The following FADS6 variants were observed in gnomAD, a reference collection of about 807,000 sequenced individuals.
FADS6 encodes the protein fatty acid desaturase domain family, member 6.
FADS6 carries 28 observed loss-of-function variants against 31.7 expected under a neutral mutation model. The observed-to-expected ratio is 0.88, with a 90% confidence interval of 0.66 to 1.21. FADS6 has a LOEUF of 1.21. Among genes scored for constraint, FADS6 ranks in the 50% most tolerant of loss-of-function variants. The probability of loss-of-function intolerance (pLI) is 0.00; values close to 1 mark genes in which losing one functional copy is unlikely to be tolerated. For synonymous variants in FADS6, 191 were observed against 213.1 expected (o/e 0.90, Z 0.90); for missense variants, 494 against 504.2 (o/e 0.98, Z 0.19).
At position 74,882,526 on chromosome 17, in the gene FADS6, T is replaced by C; in HGVS notation, c.592+4A>G. On this transcript the variant is annotated splice_donor_region_variant and intron_variant, in intron 3 of 5. Transcript: ENST00000612771. ...ACTGCGGACCGGGCTCTCATGGCACTCACCGACAGCCACCAGTGGAGTGGC... is the reference window on the plus strand; with the variant it reads ...ACTGCGGACCGGGCTCTCATGGCACCCACCGACAGCCACCAGTGGAGTGGC... The C allele has an allele frequency of 6.2e-7, 1 of 1,606,460 alleles. No individual in the cohort carries two copies. The highest frequency in any genetic ancestry group is 8.5e-7 in the Non-Finnish European group (1 of 1,176,010).
Position 74,893,442 on chromosome 17 carries a change from C to G in FADS6, c.154G>C (p.Val52Leu). ...EALLRELEVL[V>L]QDVVRTSSWW... Reference sequence around the variant, plus strand: ...GAGCTCGTCCTCACCACGTCCTGCACCAGCACCTCCAGCTCCCGCAGCAGC... The same window carrying G: ...GAGCTCGTCCTCACCACGTCCTGCAGCAGCACCTCCAGCTCCCGCAGCAGC... The change falls in exon 1 of 6, where the codon GTG becomes CTG. Residue 52 changes from valine to leucine, a missense_variant. This residue lies in a region of FADS6 where 454 missense variants were observed against 438.5 expected (regional missense o/e 1.04). Coordinates refer to ENST00000612771, the MANE Select transcript of FADS6 (RefSeq NM_178128.6). 2 of 1,586,648 alleles carry G rather than the reference C, an allele frequency of 1.3e-6. No individual in the cohort carries two copies. Among genetic ancestry groups the G allele is most frequent in the Non-Finnish European group, 1.7e-6 (2 of 1,168,342 alleles).
chr17:74,884,198 T>C (rs1269974163), intron 2 of FADS6, among the ~76,000 whole-genome samples: 1 of 152,190 alleles, frequency 6.6e-6, no homozygotes, highest in East Asian at 1.9e-4. Context: ...AGGGTCCCTC[T>C]CTCATCCCAA....
intron 2 of FADS6, 108 bp downstream of exon 2, chr17:74,892,415 G>T: frequency 1.5e-6 from 2 of 1,355,562 alleles, no homozygotes; most frequent in Non-Finnish European, 2.0e-6. Context: ...GCAGCGGCCT[G>T]CCCCCGTGGG....
chr17:74,877,389 A>C lies in FADS6; in HGVS notation c.*942T>G, dbSNP rs893294535. On this transcript the variant is annotated 3_prime_UTR_variant, in exon 6 of 6. Transcript: ENST00000612771. The stretch of plus-strand genomic sequence containing the variant: ...CGCTCTGTCACCCAGGCTGGAATGC[A>C]ATGGTGCAATCTTGGCTCACTGCAA... 1 of 151,292 alleles carries C rather than the reference A, an allele frequency of 6.6e-6. No homozygotes were observed. Among genetic ancestry groups the C allele is most frequent in the Admixed American group, 6.6e-5 (1 of 15,118 alleles). The allele number at this position is 151,292 out of a possible 1,614,324, so 9.4% of individuals were successfully genotyped here. A position where few individuals can be genotyped will look rare whatever the true frequency, so the allele number is the denominator to read the frequency against.
intron 2 of FADS6, 108 bp from the exon 3 acceptor site, chr17:74,882,818 G>T (rs1323700222): frequency 2.0e-6 from 3 of 1,532,938 alleles, no homozygotes; most frequent in African/African-American, 2.7e-5. Context: ...AACCCTGCAT[G>T]TCCAGGGCCG....
intron 2 of FADS6, among the ~76,000 whole-genome samples, chr17:74,890,288 C>T (rs1196159169): frequency 1.3e-5 from 2 of 152,156 alleles, no homozygotes; most frequent in African/African-American, 2.4e-5. Flanking sequence ...AAGACCAGCA[C>T]CCTCCTCCAG....
chr17:74,879,294 C>T (rs886234927), intron 5 of FADS6, 110 bp downstream of exon 5: 2 of 1,368,704 alleles, frequency 1.5e-6, no homozygotes, highest in Non-Finnish European at 2.0e-6. Context: ...ACCTCAGCCT[C>T]CGCAAGTGCC....
At position 74,893,423 on chromosome 17, in the gene FADS6, G is replaced by C; in HGVS notation, c.173C>G (p.Thr58Arg). The C allele has an allele frequency of 6.4e-7, 1 of 1,569,346 alleles. No homozygotes were observed. Among genetic ancestry groups the C allele is most frequent in the South Asian group, 1.2e-5 (1 of 85,432 alleles). The change falls in exon 1 of 6, where the codon ACG (threonine) becomes AGG (arginine). Residue 58 changes from threonine (T) to arginine (R), a missense_variant. By Grantham distance (71) the Thr-to-Arg change is moderately conservative. Coordinates refer to ENST00000612771, the MANE Select transcript of FADS6 (RefSeq NM_178128.6). ...LEVLVQDVVR[T>R]SSWWERHGVD... is the part of the protein sequence containing the mutation. ...GCCGTGGCGCTCCCACCAGGAGCTCGTCCTCACCACGTCCTGCACCAGCAC... is the reference window on the plus strand; with the variant it reads ...GCCGTGGCGCTCCCACCAGGAGCTCCTCCTCACCACGTCCTGCACCAGCAC...
chr17:74,878,833 A>G (rs1300705093), intron 5 of FADS6, among the ~76,000 whole-genome samples: 1 of 152,148 alleles, frequency 6.6e-6, no homozygotes, highest in Non-Finnish European at 1.5e-5. Flanking sequence ...TTCTACTCCC[A>G]TTTTACAGAA....
At chr17:74,892,389 C>T (rs1338185186) in intron 2 of FADS6, 134 bp downstream of exon 2, 20 of 1,089,226 alleles carry the variant, frequency 1.8e-5, no homozygotes, top group Non-Finnish European at 1.9e-5. Context: ...ACCAGTGGAC[C>T]GGCATACCAT....
At chr17:74,878,938 T>C (rs1405638059) in intron 5 of FADS6, 2 of 201,422 alleles carry the variant, frequency 9.9e-6, no homozygotes, top group South Asian at 9.2e-5. Flanking sequence ...CATGCTGCTG[T>C]GGATACACTG....
At chr17:74,890,257 C>T (rs1290014377) in intron 2 of FADS6, among the ~76,000 whole-genome samples, 1 of 152,174 alleles carries the variant, frequency 6.6e-6, no homozygotes, top group East Asian at 1.9e-4. Flanking sequence ...ACTGTCCTCG[C>T]CGCCACCCTG....
rs146007484 is a variant in FADS6 at position 74,887,282 on chromosome 17, G to A, written c.412-4572C>T. ...TTTTGTTTTGTAGAGACAGGCTCTC[G>A]CTGTGTTGCCCAGGCTGGTCTCAAA... On this transcript the variant is annotated intron_variant, in intron 2 of 5. Coordinates refer to ENST00000612771, the MANE Select transcript of FADS6 (RefSeq NM_178128.6). Among the ~76,000 whole-genome samples the A allele has an allele frequency of 2.0e-5, 3 of 152,096 alleles. No individual in the cohort carries two copies. The East Asian group carries it at 5.8e-4, about 29-fold the overall frequency.
Position 74,878,007 on chromosome 17 carries a change from C to T in FADS6, c.*324G>A. ...AGGATCCCTCTTCACCCTGTCACCT[C>T]CCTTTAACCCTACCAAGGCTCAGAT... On this transcript the variant is annotated 3_prime_UTR_variant, in exon 6 of 6. Coordinates refer to ENST00000612771, the MANE Select transcript of FADS6 (RefSeq NM_178128.6). 2 of 1,098,232 alleles carry T rather than the reference C, an allele frequency of 1.8e-6. No individual in the cohort carries two copies. The highest frequency in any genetic ancestry group is 4.0e-4 in the Middle Eastern group (1 of 2,496). 68.0% of individuals were successfully genotyped at this position (1,098,232 alleles called of 1,614,324 possible).
At position 74,881,206 on chromosome 17, in the gene FADS6, C is replaced by A; in HGVS notation, c.642G>T (p.Leu214=). ...AGTGAGAATAAAGGCCCAGAGAAAT[C>A]AGGGCCAGCGTCCGCAGGGCTGTCC... ...ELGTALRTLA[L]ISLGLYSHYW... The change falls in exon 4 of 6, where the codon CTG becomes CTT. Residue 214 remains leucine (L), a synonymous_variant. Transcript: ENST00000612771. 1 of 1,610,492 alleles carries A rather than the reference C, an allele frequency of 6.2e-7. No homozygotes were observed. Among genetic ancestry groups the A allele is most frequent in the Non-Finnish European group, 8.5e-7 (1 of 1,178,404 alleles).
chr17:74,878,628 A>G (rs2038533411), intron 5 of FADS6, among the ~76,000 whole-genome samples, 151 bp from the exon 6 acceptor site: 1 of 152,218 alleles, frequency 6.6e-6, no homozygotes, highest in African/African-American at 2.4e-5. Context: ...GGCTTAAGTC[A>G]GAGAATTCTT....
rs574592459 is a variant in FADS6 at position 74,892,651 on chromosome 17, C to G, written c.283G>C (p.Ala95Pro). The change falls in exon 2 of 6, where the codon GCA becomes CCA. Residue 95 changes from alanine (A) to proline (P), a missense_variant. Ala to Pro is a conservative substitution (Grantham distance 27, BLOSUM62 -1). Around this residue, in one of 2 missense-constraint regions of FADS6, gnomAD observed 454 missense variants for 438.5 expected, o/e 1.04. Transcript: ENST00000612771. ...ACACCCAAGATGGTGATGCCGGATG[C>G]AAAGACCAGGGCATTCTCCCAGCGC... Reference protein sequence around the residue: ...CLRWENALVFASGITILGVCH... With the variant: ...CLRWENALVFPSGITILGVCH... 12 of 1,613,230 alleles carry G rather than the reference C, an allele frequency of 7.4e-6. No homozygotes were observed. Among genetic ancestry groups the G allele is most frequent in the Admixed American group, 5.0e-5 (3 of 59,948 alleles).
rs1383277336 is a variant in FADS6, at chr17:74,887,493, C to CT, written c.412-4784dup. On this transcript the variant is annotated intron_variant, in intron 2 of 5. Coordinates refer to ENST00000612771, the MANE Select transcript of FADS6 (RefSeq NM_178128.6). Reference sequence around the variant, plus strand: ...CCCTGGTCAATGCCCTCATCACATTCTGCCTGCCCCAGTCACCTACCAGCT... The same window carrying CT: ...CCCTGGTCAATGCCCTCATCACATTCTTGCCTGCCCCAGTCACCTACCAGCT... 3.3e-5 allele frequency among the ~76,000 whole-genome samples: 5 copies of CT among 152,194 alleles called. No individual in the cohort carries two copies. In the East Asian group the frequency reaches 9.7e-4, roughly 30 times the overall value.
rs1188235265 is a variant in FADS6, at chr17:74,878,020, C to A, written c.*311G>T. 1.4e-5 allele frequency: 16 copies of A among 1,126,350 alleles called. 1 individual carries two copies. Among genetic ancestry groups the A allele is most frequent in the Non-Finnish European group, 1.6e-5 (15 of 918,562 alleles). 69.8% of individuals were successfully genotyped at this position (1,126,350 alleles called of 1,614,324 possible). A position where few individuals can be genotyped will look rare whatever the true frequency, so the allele number is the denominator to read the frequency against. ...ACCCTGTCACCTCCCTTTAACCCTA[C>A]CAAGGCTCAGATGGAGCAGGGGGAA... On this transcript the variant is annotated 3_prime_UTR_variant, in exon 6 of 6. Coordinates refer to ENST00000612771, the MANE Select transcript of FADS6 (RefSeq NM_178128.6).
Sources: gnomAD v4.1 joint callset for allele counts (sites outside exome capture counted in the v4.1 genomes callset) on GRCh38, gnomAD v4.1.1 for gene constraint, gnomAD v4.1.1 regional missense constraint, MANE v1.5 for transcripts, NCBI Gene and HGNC (gene_info 2026-07-23, HGNC 2026-07-21) for gene names.